The following DDX39B variants were observed in gnomAD, a reference collection of about 807,000 sequenced individuals.
DDX39B encodes spliceosome RNA helicase DDX39B.
A neutral mutation model predicts 46.4 loss-of-function variants in DDX39B; 6 were observed. The ratio of observed to expected loss-of-function variants is 0.13; its 90% confidence interval spans 0.07 to 0.26. The LOEUF is 0.26. Ranked by LOEUF, DDX39B falls within the 10% of genes least tolerant of loss-of-function variation. The pLI, the probability that DDX39B is intolerant of heterozygous loss-of-function variation, is 1.00. For synonymous variants in DDX39B, 174 were observed against 199.4 expected (o/e 0.87, Z 1.07); for missense variants, 185 against 553.4 (o/e 0.33, Z 6.68).
At chr6:31,541,776 C>T (rs551114655) in intron 1 of DDX39B, 174 bp downstream of exon 1, 1 of 660,272 alleles carries the variant, frequency 1.5e-6, no homozygotes, top group Non-Finnish European at 2.8e-6. Flanking sequence ...AGCTTCCCTT[C>T]CTTCCCCCAG....
chr6:31,535,616 G>A lies in DDX39B; in HGVS notation c.617-131C>T, dbSNP rs1422277341. The A allele has an allele frequency of 1.4e-6, 1 of 697,020 alleles. No individual in the cohort carries two copies. Among genetic ancestry groups the A allele is most frequent in the African/African-American group, 1.8e-5 (1 of 56,076 alleles). The allele number at this position is 697,020 out of a possible 1,614,324, so 43.2% of individuals were successfully genotyped here. On this transcript the variant is annotated intron_variant, in intron 5 of 10. Coordinates refer to ENST00000396172, the MANE Select transcript of DDX39B (RefSeq NM_004640.7). The surrounding 1 kb of genome is among the most constrained non-coding windows in gnomAD (Gnocchi z 4.6). ...ACACAATGGAAAGAGCAATGGACTT[G>A]GAATCAAGAAGTGGGATCAGATTCC...
At chr6:31,538,962 C>G in intron 3 of DDX39B, 107 bp from the exon 4 acceptor site, 2 of 1,483,284 alleles carry the variant, frequency 1.3e-6, no homozygotes, top group Non-Finnish European at 1.9e-6. Flanking sequence ...TAAATGACTT[C>G]AATTATGTGA....
At position 31,530,760 on chromosome 6, in the gene DDX39B, T is replaced by G. The variant is rs1767073372; in HGVS notation, c.1270+19A>C. ...AGGAACAGGGAGGACCTAAAGGGTTTCATGAGATCAGTACTCACTGTAGGA... is the reference window on the plus strand; with the variant it reads ...AGGAACAGGGAGGACCTAAAGGGTTGCATGAGATCAGTACTCACTGTAGGA... On this transcript the variant is annotated intron_variant, in intron 10 of 10. Coordinates refer to ENST00000396172, the MANE Select transcript of DDX39B (RefSeq NM_004640.7). The surrounding 1 kb of genome is among the most constrained non-coding windows in gnomAD (Gnocchi z 4.5). 1 of 1,608,654 alleles carries G rather than the reference T, an allele frequency of 6.2e-7. No individual in the cohort carries two copies. Among genetic ancestry groups the G allele is most frequent in the South Asian group, 1.1e-5 (1 of 91,040 alleles).
rs1213804878 is a variant in DDX39B, at chr6:31,534,242, C to T, written c.735+1125G>A. The stretch of plus-strand genomic sequence containing the variant: ...CTCAAATTCCTGGGCTCAAGCAATC[C>T]TCCCACCTTGGCCTCCCAAAGTGCT... On this transcript the variant is annotated intron_variant, in intron 6 of 10. Transcript: ENST00000396172. The surrounding 1 kb of genome is among the most constrained non-coding windows in gnomAD (Gnocchi z 5.1). The T allele has an allele frequency of 8.3e-6, 2 of 239,820 alleles. No individual in the cohort carries two copies. The highest frequency in any genetic ancestry group is 9.4e-5 in the Admixed American group (2 of 21,170). The allele number at this position is 239,820 out of a possible 1,614,324, so 14.9% of individuals were successfully genotyped here. A position where few individuals can be genotyped will look rare whatever the true frequency, so the allele number is the denominator to read the frequency against.
At position 31,535,357 on chromosome 6, in the gene DDX39B, G is replaced by A; in HGVS notation, c.735+10C>T. The A allele has an allele frequency of 2.5e-6, 4 of 1,611,716 alleles. No individual in the cohort carries two copies. In the South Asian group the frequency reaches 4.4e-5, roughly 18 times the overall value. ...GGGAGTGGAGGGAGAGAAGGTAGAA[G>A]GGTATTTACATCTTGCATGAACTTG... On this transcript the variant is annotated intron_variant, in intron 6 of 10. Coordinates refer to ENST00000396172, the MANE Select transcript of DDX39B (RefSeq NM_004640.7). The surrounding 1 kb of genome is among the most constrained non-coding windows in gnomAD (Gnocchi z 4.6).
At chr6:31,540,786 A>T in intron 1 of DDX39B, 122 bp from the exon 2 acceptor site, 1 of 565,322 alleles carries the variant, frequency 1.8e-6, no homozygotes, top group South Asian at 2.3e-5. Flanking sequence ...AAAAACAGAT[A>T]CAAAACATAA....
intron 6 of DDX39B, chr6:31,533,136 TA>T: frequency 2.2e-6 from 1 of 444,708 alleles, no homozygotes. Flanking sequence ...ACTGCCCAAC[TA>T]AAAACTATCA....
chr6:31,535,256 A>T lies in DDX39B; in HGVS notation c.735+111T>A. 1 of 1,059,090 alleles carries T rather than the reference A, an allele frequency of 9.4e-7. No homozygotes were observed. The highest frequency in any genetic ancestry group is 1.5e-6 in the Non-Finnish European group (1 of 683,926). 65.6% of individuals were successfully genotyped at this position (1,059,090 alleles called of 1,614,324 possible). A position where few individuals can be genotyped will look rare whatever the true frequency, so the allele number is the denominator to read the frequency against. On this transcript the variant is annotated intron_variant, in intron 6 of 10. Transcript: ENST00000396172. This position sits in a 1 kb window ranked among gnomAD's most constrained non-coding sequence, Gnocchi z 4.6. The stretch of plus-strand genomic sequence containing the variant: ...AAGGAGTCATTACTCCCAGTTGGGC[A>T]CAAGCCGCCTTCTTGGCACTTGAAT...
At chr6:31,536,946 G>A (rs1767849462) in intron 4 of DDX39B, among the ~76,000 whole-genome samples, 1 of 152,006 alleles carries the variant, frequency 6.6e-6, no homozygotes, top group African/African-American at 2.4e-5. Context: ...TCATTTATGA[G>A]GCCAGGCTTC....
chr6:31,540,882 C>T (rs539755839), intron 1 of DDX39B: 2 of 422,540 alleles, frequency 4.7e-6, no homozygotes, highest in South Asian at 4.6e-5. Flanking sequence ...TTAGCAATCA[C>T]AGTAGCGGAA....
At chr6:31,539,350 C>T in intron 2 of DDX39B, 76 bp from the exon 3 acceptor site, 1 of 1,554,478 alleles carries the variant, frequency 6.4e-7, no homozygotes, top group Non-Finnish European at 8.7e-7. Flanking sequence ...CATGCCAAGC[C>T]CATTTCTTAC....
chr6:31,537,927 C>CG (rs1039126789), intron 4 of DDX39B, among the ~76,000 whole-genome samples: 1 of 151,962 alleles, frequency 6.6e-6, no homozygotes, highest in African/African-American at 2.4e-5. Context: ...CCCAGCTACT[C>CG]GGGGGGTTGA....
In DDX39B at chr6:31,532,938, CGGGA is replaced by C. The variant is rs758768370; in HGVS notation, c.736-31_736-28del. ...TGGGGGGGAGGAAGGGGGTGGGGAA[CGGGA>C]GGAGGGCAGAGTGGGGGGGTTAAAC... is the stretch of plus-strand genomic sequence containing the variant. On this transcript the variant is annotated intron_variant, in intron 6 of 10. Transcript: ENST00000396172. 6.6e-6 allele frequency: 3 copies of C among 456,918 alleles called. No individual in the cohort carries two copies. The African/African-American group carries it at 9.8e-5, about 15-fold the overall frequency. The allele number at this position is 456,918 out of a possible 1,614,324, so 28.3% of individuals were successfully genotyped here. A position where few individuals can be genotyped will look rare whatever the true frequency, so the allele number is the denominator to read the frequency against.
chr6:31,532,918 G>T lies in DDX39B; in HGVS notation c.736-7C>A. 2 of 1,386,580 alleles carry T rather than the reference G, an allele frequency of 1.4e-6. No homozygotes were observed. The highest frequency in any genetic ancestry group is 1.1e-5 in the South Asian group (1 of 87,190). 85.9% of individuals were successfully genotyped at this position (1,386,580 alleles called of 1,614,324 possible). On this transcript the variant is annotated splice_polypyrimidine_tract_variant and splice_region_variant and intron_variant, in intron 6 of 10. Coordinates refer to ENST00000396172, the MANE Select transcript of DDX39B (RefSeq NM_004640.7). ...CCACGAAGATCTCCATTGGCTGGGG[G>T]GGAGGAAGGGGGTGGGGAACGGGAG...
chr6:31,534,588 T>C lies in DDX39B; in HGVS notation c.735+779A>G, dbSNP rs1767566765. The C allele has an allele frequency of 4.5e-6, 2 of 443,746 alleles. No homozygotes were observed. Among genetic ancestry groups the C allele is most frequent in the African/African-American group, 2.1e-5 (1 of 48,098 alleles). The allele number at this position is 443,746 out of a possible 1,614,324, so 27.5% of individuals were successfully genotyped here. A position where few individuals can be genotyped will look rare whatever the true frequency, so the allele number is the denominator to read the frequency against. On this transcript the variant is annotated intron_variant, in intron 6 of 10. Transcript: ENST00000396172. The surrounding 1 kb of genome is among the most constrained non-coding windows in gnomAD (Gnocchi z 5.1). ...CAGGACACCCCTCCCCAACACATAT[T>C]GGGGGAAACGGGGCACGGCACGCGT...
At position 31,534,079 on chromosome 6, in the gene DDX39B, GCTTA is replaced by G. The variant is rs1160300700; in HGVS notation, c.736-1172_736-1169del. The G allele has an allele frequency of 6.2e-6, 1 of 162,378 alleles. No individual in the cohort carries two copies. The highest frequency in any genetic ancestry group is 1.4e-5 in the Non-Finnish European group (1 of 73,970). The allele number at this position is 162,378 out of a possible 1,614,324, so 10.1% of individuals were successfully genotyped here. A position where few individuals can be genotyped will look rare whatever the true frequency, so the allele number is the denominator to read the frequency against. On this transcript the variant is annotated intron_variant, in intron 6 of 10. Coordinates refer to ENST00000396172, the MANE Select transcript of DDX39B (RefSeq NM_004640.7). This position sits in a 1 kb window ranked among gnomAD's most constrained non-coding sequence, Gnocchi z 5.1. Reference sequence around the variant, plus strand: ...GCTGGAGTACAGTGGCACAATTACAGCTTACTGCCACCTCCACGTCCCGGGCTCA... The same window carrying G: ...GCTGGAGTACAGTGGCACAATTACAGCTGCCACCTCCACGTCCCGGGCTCA...
chr6:31,537,244 G>A (rs185775643), intron 4 of DDX39B, among the ~76,000 whole-genome samples: 19 of 152,142 alleles, frequency 1.2e-4, no homozygotes, highest in Non-Finnish European at 1.6e-4. Context: ...TGGCCAACAC[G>A]GTGAAACCCC....
In DDX39B at chr6:31,534,687, C is replaced by A; in HGVS notation, c.735+680G>T. 2.8e-6 allele frequency: 1 copy of A among 355,838 alleles called. No homozygotes were observed. The highest frequency in any genetic ancestry group is 5.5e-6 in the Non-Finnish European group (1 of 181,732). 22.0% of individuals were successfully genotyped at this position (355,838 alleles called of 1,614,324 possible). On this transcript the variant is annotated intron_variant, in intron 6 of 10. Coordinates refer to ENST00000396172, the MANE Select transcript of DDX39B (RefSeq NM_004640.7). This position sits in a 1 kb window ranked among gnomAD's most constrained non-coding sequence, Gnocchi z 5.1. ...TCAGCTTCCTGGTCAGGTTTCCCCG[C>A]GGCCTCCGCTGCCGCCATCCACCGC... is the stretch of plus-strand genomic sequence containing the variant.
At chr6:31,538,480 C>A (rs1481850833) in intron 4 of DDX39B, among the ~76,000 whole-genome samples, 1 of 152,162 alleles carries the variant, frequency 6.6e-6, no homozygotes, top group Non-Finnish European at 1.5e-5. Context: ...ATTCACACAC[C>A]ACTGGAGCTG....
Sources: allele counts gnomAD v4.1 joint callset (sites outside exome capture counted in the v4.1 genomes callset), GRCh38; gene constraint gnomAD v4.1.1; non-coding constraint Gnocchi (gnomAD v3.1); transcripts MANE v1.5; gene names NCBI Gene and HGNC (gene_info 2026-07-23, HGNC 2026-07-21).